The following KCNH2 variants were observed in gnomAD, a reference collection of about 807,000 sequenced individuals.
KCNH2 encodes voltage-gated inwardly rectifying potassium channel KCNH2.
In KCNH2, 35 loss-of-function variants were observed where a neutral mutation model predicts 95.9. That is an observed-to-expected ratio of 0.37 (90% CI 0.28 to 0.48). The LOEUF (loss-of-function observed/expected upper bound fraction) is 0.48. KCNH2 is among the 20% of genes least tolerant of loss of function. The pLI, the probability that KCNH2 is intolerant of heterozygous loss-of-function variation, is 0.99. For missense variants in KCNH2, 1,274 were observed against 1,702.9 expected, an observed-to-expected ratio of 0.75 and a Z score of 4.43; for synonymous variants, 786 against 754.7, an observed-to-expected ratio of 1.04 and a Z score of -0.68.
chr7:150,974,611 G>GCCCCCCCCCC, intron 2 of KCNH2, 100 bp downstream of exon 2: 32 of 795,704 alleles, frequency 4.0e-5, no homozygotes, highest in South Asian at 6.9e-5. Flanking sequence ...TTCTCCAGCC[G>GCCCCCCCCCC]CCCCCACACC....
In KCNH2 at chr7:150,952,833, G is replaced by A. The variant is rs201995634; in HGVS notation, c.1149C>T (p.Asp383=). 47 of 1,613,822 alleles carry A rather than the reference G, an allele frequency of 2.9e-5. No individual in the cohort carries two copies. The highest frequency in any genetic ancestry group is 5.0e-5 in the Admixed American group (3 of 60,016). ...KVTQVLSLGA[D]VLPEYKLQAP... is the part of the protein sequence containing the mutation. Reference sequence around the variant, plus strand: ...CCTGCAGCTTGTACTCAGGCAGCACGTCGGCGCCCAGGGACAGGACCTGCA... The same window carrying A: ...CCTGCAGCTTGTACTCAGGCAGCACATCGGCGCCCAGGGACAGGACCTGCA... Residue 383 remains aspartate (D), a synonymous_variant, in exon 6 of 15, where the codon GAC becomes GAT. Coordinates refer to ENST00000262186, the MANE Select transcript of KCNH2 (RefSeq NM_000238.4). The surrounding 1 kb of genome is among the most constrained non-coding windows in gnomAD (Gnocchi z 7.3).
intron 2 of KCNH2, among the ~76,000 whole-genome samples, chr7:150,968,417 A>G (rs1179343592): frequency 6.6e-6 from 1 of 152,244 alleles, no homozygotes; most frequent in East Asian, 1.9e-4. Flanking sequence ...ATACGCACCT[A>G]CAGACTAGAT....
rs149588350 is a variant in KCNH2 at position 150,950,215 on chromosome 7, C to T, written c.2351G>A (p.Arg784Gln). 3.4e-5 allele frequency: 54 copies of T among 1,600,508 alleles called. No individual in the cohort carries two copies. The highest frequency in any genetic ancestry group is 7.7e-6 in the Non-Finnish European group (9 of 1,171,798). The change falls in exon 9 of 15, where the codon CGG (arginine) becomes CAG (glutamine). Residue 784 changes from arginine to glutamine, a missense_variant. By Grantham distance (43) the Arg-to-Gln change is conservative. Transcript: ENST00000262186. The stretch of plus-strand genomic sequence containing the variant: ...GCCCCGCAGGATCTCGATGGAGCCC[C>T]GGGAGATGAAGTACAGGGCGGTGAG... ...DLLTALYFIS[R>Q]GSIEILRGDV...
At chr7:150,947,289 T>G in intron 13 of KCNH2, 39 bp downstream of exon 13, 1 of 1,499,128 alleles carries the variant, frequency 6.7e-7, no homozygotes, top group Non-Finnish European at 9.0e-7. Context: ...TGGACCAGAC[T>G]CCAGGGCGTG....
rs760952306 is a variant in KCNH2 at position 150,946,528 on chromosome 7, G to A, written c.3330+349C>T. On this transcript the variant is annotated intron_variant, in intron 14 of 14. Transcript: ENST00000262186. The surrounding 1 kb of genome is among the most constrained non-coding windows in gnomAD (Gnocchi z 6.5). ...CTCAGTCAGTTCTTGGAGACCACCC[G>A]TGGCCGTGAGACAGGCACCACCGTT... is the stretch of plus-strand genomic sequence containing the variant. Among the ~76,000 whole-genome samples the A allele has an allele frequency of 6.6e-6, 1 of 152,172 alleles. No homozygotes were observed. Among genetic ancestry groups the A allele is most frequent in the African/African-American group, 2.4e-5 (1 of 41,436 alleles).
rs552000706 is a variant in KCNH2 at position 150,950,924 on chromosome 7, G to A, written c.2142C>T (p.Asn714=). The change falls in exon 8 of 15, where the codon AAC becomes AAT. Residue 714 remains asparagine (N), a synonymous_variant. Transcript: ENST00000262186. ...GGCCACGCTCTGGTGGCCTCACCGC[G>A]TTCATGTCGATGCCGTTGGTGTAGG... The part of the protein sequence containing the change: ...AWSYTNGIDM[N]AVLKGFPECL... 1.7e-5 allele frequency: 27 copies of A among 1,614,070 alleles called. No individual in the cohort carries two copies. The highest frequency in any genetic ancestry group is 1.1e-4 in the East Asian group (5 of 44,868).
At chr7:150,948,423 T>G in intron 11 of KCNH2, 21 bp downstream of exon 11, 21 of 893,864 alleles carry the variant, frequency 2.3e-5, no homozygotes, top group Non-Finnish European at 3.4e-5. Context: ...CCCTCCCCCT[T>G]CCTCCCCTCC....
rs777810074 is a variant in KCNH2, at chr7:150,974,750, C to G, written c.268G>C (p.Glu90Gln). The part of the protein sequence containing the change: ...AQIAQALLGA[E>Q]ERKVEIAFYR... ...AAGGCGATTTCCACTTTGCGCTCCT[C>G]GGCGCCCAGCAGTGCCTGCGCGATC... The change falls in exon 2 of 15, where the codon GAG (glutamate) becomes CAG (glutamine). Residue 90 changes from glutamate to glutamine, a missense_variant. Physicochemically the swap from Glu to Gln is conservative, Grantham distance 29 (BLOSUM62 2). Transcript: ENST00000262186. 6.2e-7 allele frequency: 1 copy of G among 1,605,978 alleles called. No individual in the cohort carries two copies. The highest frequency in any genetic ancestry group is 8.5e-7 in the Non-Finnish European group (1 of 1,177,018).
At position 150,945,381 on chromosome 7, in the gene KCNH2, G is replaced by C; in HGVS notation, c.3464C>G (p.Ser1155Trp). 1 of 1,590,948 alleles carries C rather than the reference G, an allele frequency of 6.3e-7. No individual in the cohort carries two copies. The highest frequency in any genetic ancestry group is 8.6e-7 in the Non-Finnish European group (1 of 1,169,512). Reference protein sequence around the residue: ...LTSQPLHRHGSDPGS With the variant: ...LTSQPLHRHGWDPGS ...GCAGCCCCACTAACTGCCCGGGTCC[G>C]AGCCGTGTCTGTGCAGGGGCTGGGA... The change falls in exon 15 of 15, where the codon TCG becomes TGG. Residue 1155 changes from serine (S) to tryptophan (W), a missense_variant. Physicochemically the swap from Ser to Trp is radical, Grantham distance 177. Around this residue, in one of 7 missense-constraint regions of KCNH2, gnomAD observed 457 missense variants for 416.1 expected, o/e 1.10. Coordinates refer to ENST00000262186, the MANE Select transcript of KCNH2 (RefSeq NM_000238.4). This position sits in a 1 kb window ranked among gnomAD's most constrained non-coding sequence, Gnocchi z 5.6.
In KCNH2 at chr7:150,961,734, G is replaced by A. The variant is rs561319203; in HGVS notation, c.308-1998C>T. On this transcript the variant is annotated intron_variant, in intron 2 of 14. Transcript: ENST00000262186. The surrounding 1 kb of genome is among the most constrained non-coding windows in gnomAD (Gnocchi z 6.2). Reference sequence around the variant, plus strand: ...CAACAGACACCGGCAACCTGGAGGCGACGCCACCCCTGGGACTTGGAGCTG... The same window carrying A: ...CAACAGACACCGGCAACCTGGAGGCAACGCCACCCCTGGGACTTGGAGCTG... Among the ~76,000 whole-genome samples, 148 of 152,300 alleles carry A rather than the reference G, an allele frequency of 9.7e-4. No homozygotes were observed. Among genetic ancestry groups the A allele is most frequent in the Admixed American group, 2.0e-3 (31 of 15,304 alleles).
chr7:150,959,503 G>A (rs746163180), intron 3 of KCNH2, 69 bp downstream of exon 3: 1 of 1,571,018 alleles, frequency 6.4e-7, no homozygotes, highest in African/African-American at 1.4e-5. Context: ...CGTTGACCTT[G>A]GACAGCTCAC....
chr7:150,947,067 G>A lies in KCNH2; in HGVS notation c.3153-13C>T, dbSNP rs372337645. On this transcript the variant is annotated splice_polypyrimidine_tract_variant and intron_variant, in intron 13 of 14. Coordinates refer to ENST00000262186, the MANE Select transcript of KCNH2 (RefSeq NM_000238.4). ...CCGGGTCTCCAGCCTGGGGCAGGAA[G>A]TGGGGGATGCTCAGAGAAGTGGGGA... is the stretch of plus-strand genomic sequence containing the variant. 1.2e-4 allele frequency: 190 copies of A among 1,584,278 alleles called. No homozygotes were observed. Among genetic ancestry groups the A allele is most frequent in the Non-Finnish European group, 1.5e-4 (175 of 1,162,370 alleles).
chr7:150,959,504 G>A (rs1044433422), intron 3 of KCNH2, 68 bp downstream of exon 3: 1 of 1,577,350 alleles, frequency 6.3e-7, no homozygotes, highest in African/African-American at 1.3e-5. Context: ...GTTGACCTTG[G>A]ACAGCTCACA....
At chr7:150,947,924 GA>G (rs1249869515) in intron 11 of KCNH2, 46 bp from the exon 12 acceptor site, 63 of 1,519,646 alleles carry the variant, frequency 4.1e-5, no homozygotes, top group Non-Finnish European at 5.2e-5. Context: ...GGAGAACAGA[GA>G]GGAGGGGGCG....
At chr7:150,959,100 C>T (rs934651631) in intron 3 of KCNH2, among the ~76,000 whole-genome samples, 3 of 152,210 alleles carry the variant, frequency 2.0e-5, no homozygotes, top group Non-Finnish European at 4.4e-5. Context: ...CAAAGCCTCT[C>T]CTCAGCTAGC....
At position 150,948,510 on chromosome 7, in the gene KCNH2, C is replaced by T. The variant is rs1554424688; in HGVS notation, c.2626G>A (p.Glu876Lys). 5 of 1,593,434 alleles carry T rather than the reference C, an allele frequency of 3.1e-6. No individual in the cohort carries two copies. In the South Asian group the frequency reaches 5.5e-5, roughly 18 times the overall value. ...NMIPGSPGST[E>K]LEGGFSRQRK... Reference sequence around the variant, plus strand: ...TGCCGACTGAAGCCACCCTCTAACTCCGTACTGCCGGGGGAGCCCGGGATC... The same window carrying T: ...TGCCGACTGAAGCCACCCTCTAACTTCGTACTGCCGGGGGAGCCCGGGATC... Residue 876 changes from glutamate to lysine, a missense_variant, in exon 11 of 15, where the codon GAG (glutamate) becomes AAG (lysine). Glu to Lys is a moderately conservative substitution (Grantham distance 56). Coordinates refer to ENST00000262186, the MANE Select transcript of KCNH2 (RefSeq NM_000238.4).
chr7:150,974,997 C>A, intron 1 of KCNH2, 56 bp from the exon 2 acceptor site: 10 of 1,437,280 alleles, frequency 7.0e-6, no homozygotes, highest in Non-Finnish European at 9.4e-6. Context: ...TCCGGGACTC[C>A]CAGCCCTTCC....
In KCNH2 at chr7:150,945,034, T is replaced by G. The variant is rs923276772; in HGVS notation, c.*331A>C. ...AATTATTCATATGATCCTTAATTATTATCCTTAACAATAAGAGCAGTAAAT... is the reference window on the plus strand; with the variant it reads ...AATTATTCATATGATCCTTAATTATGATCCTTAACAATAAGAGCAGTAAAT... On this transcript the variant is annotated 3_prime_UTR_variant, in exon 15 of 15. Coordinates refer to ENST00000262186, the MANE Select transcript of KCNH2 (RefSeq NM_000238.4). This position sits in a 1 kb window ranked among gnomAD's most constrained non-coding sequence, Gnocchi z 5.6. 46 of 308,934 alleles carry G rather than the reference T, an allele frequency of 1.5e-4. No homozygotes were observed. The highest frequency in any genetic ancestry group is 8.2e-4 in the African/African-American group (39 of 47,614). 19.1% of individuals were successfully genotyped at this position (308,934 alleles called of 1,614,324 possible).
intron 7 of KCNH2, 122 bp from the exon 8 acceptor site, chr7:150,951,242 G>A (rs1343688569): frequency 2.7e-5 from 27 of 1,012,660 alleles, no homozygotes; most frequent in East Asian, 2.0e-4. Context: ...CCCACGAGAC[G>A]CCCTTGTACA....
Sources: allele counts gnomAD v4.1 joint callset (sites outside exome capture counted in the v4.1 genomes callset), GRCh38; gene constraint gnomAD v4.1.1; regional missense constraint gnomAD v4.1.1; non-coding constraint Gnocchi (gnomAD v3.1); transcripts MANE v1.5; gene names NCBI Gene and HGNC (gene_info 2026-07-23, HGNC 2026-07-21).